The following NIM1K variants were observed in gnomAD, a reference collection of about 807,000 sequenced individuals.
NIM1K encodes the protein NIM1 serine/threonine protein kinase.
In NIM1K, 35 loss-of-function variants were observed where a neutral mutation model predicts 37.1. That is an observed-to-expected ratio of 0.94 (90% CI 0.72 to 1.25). The LOEUF is 1.25. NIM1K is among the 50% of genes most tolerant of loss of function. The pLI is 0.00. For missense variants in NIM1K, 564 were observed against 548.0 expected (o/e 1.03, Z -0.29); for synonymous variants, 234 against 206.6 (o/e 1.13, Z -1.14).
At chr5:43,194,282 G>A (rs1297299112) in intron 1 of NIM1K, among the ~76,000 whole-genome samples, 1 of 152,182 alleles carries the variant, frequency 6.6e-6, no homozygotes, top group Non-Finnish European at 1.5e-5. Flanking sequence ...AGGCTAGTGG[G>A]GAAAAAGCTG....
chr5:43,262,012 C>G (rs1287809858), intron 2 of NIM1K, among the ~76,000 whole-genome samples: 2 of 152,128 alleles, frequency 1.3e-5, no homozygotes, highest in Non-Finnish European at 2.9e-5. Context: ...GTTACTGTAG[C>G]CTTGTAGTAT....
intron 2 of NIM1K, among the ~76,000 whole-genome samples, chr5:43,275,923 C>T (rs974603100): frequency 4.3e-5 from 6 of 139,640 alleles, no homozygotes; most frequent in African/African-American, 1.4e-4. Context: ...TTTTCTGAGA[C>T]GGAGTCTTGC....
intron 1 of NIM1K, among the ~76,000 whole-genome samples, chr5:43,214,966 TG>T (rs1391403415): frequency 6.6e-6 from 1 of 152,210 alleles, no homozygotes; most frequent in African/African-American, 2.4e-5. Flanking sequence ...AGATGTGAAC[TG>T]AGAATCAGAA....
chr5:43,268,131 A>G (rs1012131803), intron 2 of NIM1K, among the ~76,000 whole-genome samples: 15 of 152,210 alleles, frequency 9.9e-5, no homozygotes, highest in African/African-American at 3.6e-4. Flanking sequence ...TTGGAGCTCC[A>G]TAGTTAGGTA....
intron 1 of NIM1K, among the ~76,000 whole-genome samples, chr5:43,216,660 A>C (rs1339620851): frequency 6.6e-6 from 1 of 152,236 alleles, no homozygotes; most frequent in African/African-American, 2.4e-5. Flanking sequence ...AGGTGTCTTC[A>C]ATTTCTTGCC....
intron 1 of NIM1K, among the ~76,000 whole-genome samples, chr5:43,194,369 T>C (rs1751880429): frequency 1.3e-5 from 2 of 152,220 alleles, no homozygotes; most frequent in South Asian, 4.1e-4. Context: ...TATTTTTAGC[T>C]GGACCACTGT....
intron 1 of NIM1K, chr5:43,240,504 T>G (rs1752684412): frequency 6.6e-6 from 1 of 151,364 alleles, no homozygotes; most frequent in Admixed American, 6.6e-5. Flanking sequence ...CCAGATGCAA[T>G]AACTCTACCT....
At position 43,213,213 on chromosome 5, in the gene NIM1K, C is replaced by CTTTCT. The variant is rs1554013581; in HGVS notation, c.-695+20805_-695+20809dup. Among the ~76,000 whole-genome samples, 84 of 45,648 alleles carry CTTTCT rather than the reference C, an allele frequency of 1.8e-3. 3 individuals are homozygous for CTTTCT. Among genetic ancestry groups the CTTTCT allele is most frequent in the African/African-American group, 6.6e-3 (82 of 12,440 alleles). 29.9% of individuals were successfully genotyped at this position (45,648 alleles called of 152,430 possible). On this transcript the variant is annotated intron_variant, in intron 1 of 3. Coordinates refer to ENST00000326035, the MANE Select transcript of NIM1K (RefSeq NM_153361.4). Reference sequence around the variant, plus strand: ...TCTTTCTTTCTTTCTTTCTTTCTTTCTTTCTTTCTTTCCTTCTTTTCTTCC... The same window carrying CTTTCT: ...TCTTTCTTTCTTTCTTTCTTTCTTTCTTTCTTTTCTTTCTTTCCTTCTTTTCTTCC...
rs915605929 is a variant in NIM1K, at chr5:43,277,198, A to G, written c.434A>G (p.Lys145Arg). The G allele has an allele frequency of 2.5e-6, 4 of 1,613,970 alleles. No homozygotes were observed. In the African/African-American group the frequency reaches 5.3e-5, roughly 22 times the overall value. Residue 145 changes from lysine to arginine, a missense_variant, in exon 3 of 4, where the codon AAG becomes AGG. By Grantham distance (26) the Lys-to-Arg change is conservative (BLOSUM62 2). Coordinates refer to ENST00000326035, the MANE Select transcript of NIM1K (RefSeq NM_153361.4). The stretch of plus-strand genomic sequence containing the variant: ...TACGAAGTGGTGGAGACCCTATCCA[A>G]GCTGCACTTGGTGATGGAGTATGCA... ...RLYEVVETLS[K>R]LHLVMEYAGG... is the part of the protein sequence containing the mutation.
chr5:43,217,020 A>G (rs1162109552), intron 1 of NIM1K, among the ~76,000 whole-genome samples: 2 of 152,006 alleles, frequency 1.3e-5, no homozygotes, highest in Admixed American at 6.6e-5. Context: ...AAAGTATACA[A>G]CTCAATGGTT....
intron 2 of NIM1K, among the ~76,000 whole-genome samples, chr5:43,264,004 G>A (rs952812864): frequency 6.6e-6 from 1 of 152,142 alleles, no homozygotes; most frequent in Non-Finnish European, 1.5e-5. Flanking sequence ...TATAATTTCT[G>A]TTCTTTTACA....
intron 1 of NIM1K, among the ~76,000 whole-genome samples, chr5:43,215,822 A>C (rs1752291569): frequency 6.6e-6 from 1 of 152,168 alleles, no homozygotes; most frequent in Non-Finnish European, 1.5e-5. Context: ...CTTGTTCTTT[A>C]GTGGATTTAC....
At chr5:43,196,658 A>AATAT (rs1751920446) in intron 1 of NIM1K, among the ~76,000 whole-genome samples, 1 of 151,966 alleles carries the variant, frequency 6.6e-6, no homozygotes, top group Admixed American at 6.6e-5. Flanking sequence ...TAAATAAATA[A>AATAT]AAAATAAAAG....
intron 1 of NIM1K, among the ~76,000 whole-genome samples, chr5:43,223,050 A>G (rs577645407): frequency 2.0e-5 from 3 of 151,616 alleles, no homozygotes; most frequent in African/African-American, 7.3e-5. Flanking sequence ...GAGGCAGGAG[A>G]ATCGCTTGAA....
chr5:43,270,818 C>T (rs1417351062), intron 2 of NIM1K, among the ~76,000 whole-genome samples: 1 of 152,164 alleles, frequency 6.6e-6, no homozygotes, highest in African/African-American at 2.4e-5. Flanking sequence ...TGCCCGAAGG[C>T]ATGATAACAT....
At chr5:43,224,376 G>T (rs918746569) in intron 1 of NIM1K, among the ~76,000 whole-genome samples, 3 of 151,582 alleles carry the variant, frequency 2.0e-5, no homozygotes, top group African/African-American at 7.3e-5. Context: ...GGGAGGCAGA[G>T]GTGGCAGTGA....
At chr5:43,213,216 TCTTTCTTTCCTTC>T (rs1752238815) in intron 1 of NIM1K, among the ~76,000 whole-genome samples, 1 of 61,666 alleles carries the variant, frequency 1.6e-5, no homozygotes, top group African/African-American at 4.9e-5. Context: ...TTTCTTTCTT[TCTTTCTTTCCTTC>T]TTTTCTTCCT....
chr5:43,267,977 G>A (rs1368592505), intron 2 of NIM1K, among the ~76,000 whole-genome samples: 2 of 152,160 alleles, frequency 1.3e-5, no homozygotes, highest in African/African-American at 2.4e-5. Flanking sequence ...TTGTTTTAGA[G>A]TATTGTTTAA....
intron 1 of NIM1K, among the ~76,000 whole-genome samples, chr5:43,212,841 G>C (rs566269339): frequency 6.6e-6 from 1 of 152,310 alleles, no homozygotes; most frequent in African/African-American, 2.4e-5. Flanking sequence ...TCATTGCACT[G>C]TTTCCTTTCA....
Sources: allele counts gnomAD v4.1 joint callset (sites outside exome capture counted in the v4.1 genomes callset), GRCh38; gene constraint gnomAD v4.1.1; transcripts MANE v1.5; gene names NCBI Gene and HGNC (gene_info 2026-07-23, HGNC 2026-07-21).